CSMD1: variants seen among roughly 807,000 people sequenced by gnomAD.
The protein encoded by CSMD1 is CUB and Sushi multiple domains 1.
CSMD1 carries 213 observed loss-of-function variants against 417.5 expected under a neutral mutation model. The observed-to-expected ratio is 0.51, with a 90% confidence interval of 0.46 to 0.57. The LOEUF (loss-of-function observed/expected upper bound fraction) is 0.57. Ranked by LOEUF, CSMD1 falls within the 20% of genes least tolerant of loss-of-function variation. The probability of loss-of-function intolerance (pLI) is 0.00; values close to 1 mark genes in which losing one functional copy is unlikely to be tolerated. For missense variants in CSMD1, 6,923 were observed against 4,529.7 expected, an observed-to-expected ratio of 1.53 and a Z score of -15.17; for synonymous variants, 2,862 against 1,736.8, an observed-to-expected ratio of 1.65 and a Z score of -16.11.
At chr8:4,427,176 C>G (rs953699776) in intron 2 of CSMD1, among the ~76,000 whole-genome samples, 3 of 152,084 alleles carry the variant, frequency 2.0e-5, no homozygotes, top group African/African-American at 7.2e-5. Context: ...ATGGGTAAGT[C>G]CAGATGGGTG....
chr8:4,327,206 T>A (rs963749373), intron 3 of CSMD1, among the ~76,000 whole-genome samples: 5 of 152,226 alleles, frequency 3.3e-5, no homozygotes, highest in African/African-American at 1.2e-4. Context: ...ACATTACATA[T>A]CTTTAAAAAT....
intron 7 of CSMD1, among the ~76,000 whole-genome samples, chr8:3,706,803 G>A (rs1801194307): frequency 6.6e-6 from 1 of 152,074 alleles, no homozygotes; most frequent in Non-Finnish European, 1.5e-5. Flanking sequence ...TCCCTCTACA[G>A]AACATTCTAT....
intron 2 of CSMD1, among the ~76,000 whole-genome samples, chr8:4,478,616 C>T (rs148437901): frequency 3.0e-4 from 45 of 152,164 alleles, no homozygotes; most frequent in East Asian, 1.2e-3. Context: ...ATTGGCAGGG[C>T]GTTATAAACT....
chr8:3,326,498 C>T (rs1379881260), intron 23 of CSMD1, among the ~76,000 whole-genome samples: 1 of 152,204 alleles, frequency 6.6e-6, no homozygotes, highest in African/African-American at 2.4e-5. Flanking sequence ...CTTGCCCTCT[C>T]CTGAATGTTG....
intron 1 of CSMD1, among the ~76,000 whole-genome samples, chr8:4,957,375 T>G (rs1013210381): frequency 1.1e-4 from 17 of 152,152 alleles, no homozygotes; most frequent in African/African-American, 4.1e-4. Flanking sequence ...AAAATTATGT[T>G]CAAAAAGCAA....
At chr8:4,356,618 C>G (rs1232980458) in intron 3 of CSMD1, among the ~76,000 whole-genome samples, 1 of 152,160 alleles carries the variant, frequency 6.6e-6, no homozygotes, top group Non-Finnish European at 1.5e-5. Flanking sequence ...GCTGTTTTCA[C>G]TGTGTCTGCT....
At chr8:4,914,132 G>C (rs967656719) in intron 1 of CSMD1, among the ~76,000 whole-genome samples, 1 of 152,132 alleles carries the variant, frequency 6.6e-6, no homozygotes, top group Admixed American at 6.5e-5. Context: ...TCCCTACACA[G>C]TTTCTTTCTG....
intron 1 of CSMD1, among the ~76,000 whole-genome samples, chr8:4,687,798 C>A (rs1005399912): frequency 1.3e-5 from 2 of 150,438 alleles, no homozygotes; most frequent in Admixed American, 1.3e-4. Flanking sequence ...TCAGGGAATG[C>A]ATGCACAGAC....
chr8:4,432,564 G>A (rs1021621356), intron 2 of CSMD1, among the ~76,000 whole-genome samples: 1 of 152,138 alleles, frequency 6.6e-6, no homozygotes, highest in Non-Finnish European at 1.5e-5. Context: ...ACACCCTTAT[G>A]ACTTAAAGAC....
chr8:4,679,982 C>T (rs970996274), intron 1 of CSMD1, among the ~76,000 whole-genome samples: 2 of 152,084 alleles, frequency 1.3e-5, no homozygotes, highest in African/African-American at 4.8e-5. Flanking sequence ...AGAATATTAG[C>T]GATAACAGCT....
At chr8:4,391,711 T>G (rs1803860932) in intron 3 of CSMD1, among the ~76,000 whole-genome samples, 5 of 152,138 alleles carry the variant, frequency 3.3e-5, no homozygotes. Flanking sequence ...CTTCCCCATG[T>G]GAAAAACCTC....
chr8:4,361,463 A>G lies in CSMD1; in HGVS notation c.415+58490T>C, dbSNP rs549766047. 7.2e-5 allele frequency among the ~76,000 whole-genome samples: 11 copies of G among 152,230 alleles called. No homozygotes were observed. In the East Asian group the frequency reaches 2.1e-3, roughly 29 times the overall value. ...CATTTTATCTTCATTACAGCCTAATAAGGTCGACATTATTGCATTTCCACT... is the reference window on the plus strand; with the variant it reads ...CATTTTATCTTCATTACAGCCTAATGAGGTCGACATTATTGCATTTCCACT... On this transcript the variant is annotated intron_variant, in intron 3 of 69. Transcript: ENST00000635120.
At chr8:4,194,922 C>G (rs190271857) in intron 3 of CSMD1, among the ~76,000 whole-genome samples, 2 of 151,760 alleles carry the variant, frequency 1.3e-5, no homozygotes, top group Non-Finnish European at 2.9e-5. Context: ...TGGGAGATCA[C>G]AGTAGAAGAG....
intron 3 of CSMD1, among the ~76,000 whole-genome samples, chr8:4,057,703 T>C (rs1245978806): frequency 5.3e-5 from 8 of 151,842 alleles, no homozygotes; most frequent in African/African-American, 1.9e-4. Context: ...CTTGAATTGA[T>C]TTCTGTACAA....
At chr8:3,436,359 T>G (rs1317858666) in intron 12 of CSMD1, among the ~76,000 whole-genome samples, 1 of 152,208 alleles carries the variant, frequency 6.6e-6, no homozygotes, top group South Asian at 2.1e-4. Context: ...ATTACTATTA[T>G]TGTTATTATT....
intron 3 of CSMD1, among the ~76,000 whole-genome samples, chr8:4,293,815 C>G (rs1797514427): frequency 6.6e-6 from 1 of 152,158 alleles, no homozygotes; most frequent in African/African-American, 2.4e-5. Flanking sequence ...ACATGCATTT[C>G]TAAGCCATTT....
chr8:3,308,116 A>T (rs1290383940), intron 24 of CSMD1, among the ~76,000 whole-genome samples, 196 bp downstream of exon 24: 1 of 152,058 alleles, frequency 6.6e-6, no homozygotes, highest in Non-Finnish European at 1.5e-5. Context: ...TCTCCATAAC[A>T]GAATACTAGA....
chr8:3,794,029 G>C (rs1056000497), intron 5 of CSMD1, among the ~76,000 whole-genome samples: 1 of 152,124 alleles, frequency 6.6e-6, no homozygotes, highest in Non-Finnish European at 1.5e-5. Flanking sequence ...ACAGACGAAA[G>C]ACTTGCTACT....
intron 1 of CSMD1, among the ~76,000 whole-genome samples, chr8:4,836,559 G>C (rs979617984): frequency 3.9e-5 from 6 of 152,180 alleles, no homozygotes; most frequent in African/African-American, 1.2e-4. Context: ...AGAGAGGTTT[G>C]AACTTGAACT....
Sources: gnomAD v4.1 joint callset for allele counts (sites outside exome capture counted in the v4.1 genomes callset) on GRCh38, gnomAD v4.1.1 for gene constraint, MANE v1.5 for transcripts, NCBI Gene and HGNC (gene_info 2026-07-23, HGNC 2026-07-21) for gene names.